The following ARHGAP26 variants were observed in gnomAD, a reference collection of about 807,000 sequenced individuals.
The protein encoded by ARHGAP26 is rho GTPase-activating protein 26.
Under a neutral mutation model 104.8 loss-of-function variants are expected in ARHGAP26, and 38 were observed. That is an observed-to-expected ratio of 0.36 (90% confidence interval 0.28 to 0.48). The LOEUF (loss-of-function observed/expected upper bound fraction) is 0.48, where lower values mean the gene tolerates loss of function less well. ARHGAP26 is among the 20% of genes least tolerant of loss of function. The probability of loss-of-function intolerance (pLI) is 0.99; values close to 1 mark genes in which losing one functional copy is unlikely to be tolerated. For missense variants in ARHGAP26, 704 were observed against 947.9 expected, an observed-to-expected ratio of 0.74 and a Z score of 3.38; for synonymous variants, 341 against 340.0, an observed-to-expected ratio of 1.00 and a Z score of -0.03.
intron 1 of ARHGAP26, among the ~76,000 whole-genome samples, chr5:142,811,127 A>G (rs1261197616): frequency 6.6e-6 from 1 of 152,162 alleles, no homozygotes; most frequent in African/African-American, 2.4e-5. Flanking sequence ...CTGCCAATGG[A>G]AGTAAAAATA....
intron 21 of ARHGAP26, among the ~76,000 whole-genome samples, chr5:143,213,385 T>C (rs1371605832): frequency 1.3e-5 from 2 of 151,256 alleles, no homozygotes; most frequent in Non-Finnish European, 2.9e-5. Context: ...TGCACACACA[T>C]GTGTAATTGC....
At chr5:142,943,061 G>A (rs541869369) in intron 11 of ARHGAP26, among the ~76,000 whole-genome samples, 5 of 152,312 alleles carry the variant, frequency 3.3e-5, no homozygotes, top group Middle Eastern at 3.4e-3. Flanking sequence ...GATTACAGGC[G>A]TGAGCCACTG....
intron 11 of ARHGAP26, among the ~76,000 whole-genome samples, chr5:143,012,548 C>CATATATATATATATATGTGTATAT (rs1414408846): frequency 4.3e-5 from 1 of 23,352 alleles, no homozygotes; most frequent in Non-Finnish European, 1.1e-4. Context: ...TATATACATA[C>CATATATATATATATATGTGTATAT]ATACATATAT....
intron 1 of ARHGAP26, among the ~76,000 whole-genome samples, chr5:142,810,571 T>G (rs1763879818): frequency 6.6e-6 from 1 of 152,202 alleles, no homozygotes; most frequent in Non-Finnish European, 1.5e-5. Context: ...AAACTCTTCC[T>G]TTTGAACTAT....
At chr5:142,897,382 T>A (rs954781644) in intron 6 of ARHGAP26, among the ~76,000 whole-genome samples, 1 of 152,204 alleles carries the variant, frequency 6.6e-6, no homozygotes, top group African/African-American at 2.4e-5. Context: ...GGCCTTTGCT[T>A]TTCTACAGAA....
chr5:142,774,722 G>A (rs1353587361), intron 1 of ARHGAP26, among the ~76,000 whole-genome samples: 1 of 151,994 alleles, frequency 6.6e-6, no homozygotes, highest in African/African-American at 2.4e-5. Flanking sequence ...AAAATCCTAT[G>A]TGCTCCACCT....
At chr5:142,927,927 A>G (rs1383663446) in intron 10 of ARHGAP26, among the ~76,000 whole-genome samples, 1 of 152,020 alleles carries the variant, frequency 6.6e-6, no homozygotes, top group Non-Finnish European at 1.5e-5. Context: ...TTTGGGCTCT[A>G]TTTCTTAGCC....
chr5:143,024,495 G>A (rs1401990538), intron 12 of ARHGAP26, among the ~76,000 whole-genome samples: 2 of 152,066 alleles, frequency 1.3e-5, no homozygotes, highest in East Asian at 3.9e-4. Context: ...ACAGTGAGCA[G>A]GTCCCTGGCT....
intron 1 of ARHGAP26, among the ~76,000 whole-genome samples, chr5:142,848,129 T>C (rs1248037734): frequency 6.6e-6 from 1 of 152,196 alleles, no homozygotes; most frequent in African/African-American, 2.4e-5. Context: ...TGAACTTCAG[T>C]TGGAGAAGTT....
chr5:143,075,670 A>C (rs943495660), intron 17 of ARHGAP26, among the ~76,000 whole-genome samples: 2 of 152,186 alleles, frequency 1.3e-5, no homozygotes, highest in African/African-American at 4.8e-5. Context: ...TTAAATGTGC[A>C]TTTTTAAAAT....
intron 1 of ARHGAP26, among the ~76,000 whole-genome samples, chr5:142,785,746 C>A (rs1758446344): frequency 6.6e-6 from 1 of 152,152 alleles, no homozygotes; most frequent in African/African-American, 2.4e-5. Flanking sequence ...AACAGGAAAG[C>A]CCTTCTTCTT....
chr5:143,034,388 T>C (rs1002485893), intron 12 of ARHGAP26, among the ~76,000 whole-genome samples: 1 of 152,150 alleles, frequency 6.6e-6, no homozygotes, highest in African/African-American at 2.4e-5. Flanking sequence ...AAATGTGATA[T>C]ATCTGGACCG....
chr5:143,084,316 G>C (rs1790236421), intron 17 of ARHGAP26, among the ~76,000 whole-genome samples: 1 of 152,222 alleles, frequency 6.6e-6, no homozygotes, highest in Admixed American at 6.5e-5. Flanking sequence ...AGATTTAGCT[G>C]TCTGTGCCCA....
chr5:142,906,991 C>T (rs543227921), intron 8 of ARHGAP26, among the ~76,000 whole-genome samples: 23 of 152,194 alleles, frequency 1.5e-4, no homozygotes, highest in Non-Finnish European at 2.6e-4. Flanking sequence ...GCTTTGTTTT[C>T]AAGTAATTGG....
intron 11 of ARHGAP26, among the ~76,000 whole-genome samples, chr5:143,009,079 C>T (rs993624549): frequency 1.4e-4 from 21 of 152,272 alleles, no homozygotes; most frequent in Admixed American, 1.1e-3. Flanking sequence ...CTCTCCCCCC[C>T]TGGTGTTTAT....
intron 1 of ARHGAP26, among the ~76,000 whole-genome samples, chr5:142,798,608 G>A (rs1264534924): frequency 6.6e-6 from 1 of 152,216 alleles, no homozygotes; most frequent in Non-Finnish European, 1.5e-5. Flanking sequence ...AAGCCACTCT[G>A]CCTGGAAGGG....
At chr5:142,881,336 G>T (rs558202173) in intron 4 of ARHGAP26, among the ~76,000 whole-genome samples, 1 of 152,314 alleles carries the variant, frequency 6.6e-6, no homozygotes, top group East Asian at 1.9e-4. Flanking sequence ...TGGTTACCAA[G>T]GAGGTGAGGC....
chr5:142,965,371 C>G (rs148194198), intron 11 of ARHGAP26, among the ~76,000 whole-genome samples: 6 of 152,158 alleles, frequency 3.9e-5, no homozygotes, highest in Non-Finnish European at 8.8e-5. Context: ...TGCTAAGTAG[C>G]GGGTATTGTT....
chr5:142,990,616 G>C (rs1056244640), intron 11 of ARHGAP26, among the ~76,000 whole-genome samples: 1 of 152,196 alleles, frequency 6.6e-6, no homozygotes, highest in Admixed American at 6.5e-5. Context: ...GGTCTTTGAT[G>C]ATGGTGACGT....
Sources: allele counts gnomAD v4.1 joint callset (sites outside exome capture counted in the v4.1 genomes callset), GRCh38; gene constraint gnomAD v4.1.1; transcripts MANE v1.5; gene names NCBI Gene and HGNC (gene_info 2026-07-23, HGNC 2026-07-21).